The following EEPD1 variants were observed in gnomAD, a reference collection of about 807,000 sequenced individuals.
EEPD1 encodes endonuclease/exonuclease/phosphatase family domain-containing protein 1.
Under a neutral mutation model 46.3 loss-of-function variants are expected in EEPD1, and 17 were observed. That is an observed-to-expected ratio of 0.37 (90% confidence interval 0.25 to 0.55). The LOEUF (loss-of-function observed/expected upper bound fraction) is 0.55, where lower values mean the gene tolerates loss of function less well. EEPD1 is among the 20% of genes least tolerant of loss of function. EEPD1 has a pLI of 0.83. For synonymous variants in EEPD1, 313 were observed against 315.6 expected (o/e 0.99, Z 0.09); for missense variants, 673 against 745.6 (o/e 0.90, Z 1.13).
intron 2 of EEPD1, among the ~76,000 whole-genome samples, chr7:36,169,572 C>G (rs1310587613): frequency 1.3e-5 from 2 of 152,150 alleles, no homozygotes; most frequent in Admixed American, 1.3e-4. Context: ...GGGTCATTTT[C>G]AAACTTGTTT....
intron 3 of EEPD1, among the ~76,000 whole-genome samples, chr7:36,272,476 C>G (rs1375884147): frequency 1.3e-5 from 2 of 150,288 alleles, no homozygotes; most frequent in African/African-American, 4.9e-5. Context: ...CATAATAGCC[C>G]TTGCAAGGTT....
intron 3 of EEPD1, among the ~76,000 whole-genome samples, chr7:36,274,693 A>G (rs886617343): frequency 6.6e-6 from 1 of 152,082 alleles, no homozygotes; most frequent in Admixed American, 6.6e-5. Context: ...ATTTTTCCTA[A>G]TGCTGTCCCT....
chr7:36,168,990 T>C (rs1415376032), intron 2 of EEPD1, among the ~76,000 whole-genome samples: 2 of 152,194 alleles, frequency 1.3e-5, no homozygotes, highest in Non-Finnish European at 2.9e-5. Context: ...GTGCCTGACT[T>C]TTTTACTTAG....
chr7:36,193,394 C>T lies in EEPD1; in HGVS notation c.878+38192C>T, dbSNP rs1202235318. Among the ~76,000 whole-genome samples, 1 of 152,146 alleles carries T rather than the reference C, an allele frequency of 6.6e-6. No individual in the cohort carries two copies. ...GCCAGAGAGCAGAGGGAATGCCACA[C>T]AGGAGGACAAAGGAGAGATGCAGCT... On this transcript the variant is annotated intron_variant, in intron 2 of 7. Transcript: ENST00000242108. The surrounding 1 kb of genome is among the most constrained non-coding windows in gnomAD (Gnocchi z 4.9).
chr7:36,253,965 TA>T (rs1034092491), intron 3 of EEPD1, among the ~76,000 whole-genome samples: 24 of 152,196 alleles, frequency 1.6e-4, no homozygotes, highest in African/African-American at 5.8e-4. Flanking sequence ...TCTGCCATTT[TA>T]TCTCTTGTTT....
chr7:36,157,625 C>T (rs1784845631), intron 2 of EEPD1, among the ~76,000 whole-genome samples: 1 of 152,268 alleles, frequency 6.6e-6, no homozygotes, highest in Admixed American at 6.5e-5. Context: ...CGCACCGTCA[C>T]ATTCTCACTC....
chr7:36,172,834 A>T (rs1404230119), intron 2 of EEPD1, among the ~76,000 whole-genome samples: 1 of 146,382 alleles, frequency 6.8e-6, no homozygotes, highest in Non-Finnish European at 1.5e-5. Context: ...GGAAACCTCA[A>T]CTTGAAGCCA....
At chr7:36,294,767 A>G (rs1316937110) in intron 6 of EEPD1, among the ~76,000 whole-genome samples, 1 of 152,232 alleles carries the variant, frequency 6.6e-6, no homozygotes. Context: ...TCAATAAACA[A>G]AACACTAATA....
At chr7:36,165,622 G>A (rs375652509) in intron 2 of EEPD1, among the ~76,000 whole-genome samples, 234 of 56,888 alleles carry the variant, frequency 4.1e-3, no homozygotes, top group African/African-American at 0.011. Flanking sequence ...TTTATTTTTA[G>A]TAGAGACAGG....
intron 2 of EEPD1, among the ~76,000 whole-genome samples, chr7:36,192,454 A>G (rs538125766): frequency 1.4e-4 from 21 of 152,216 alleles, no homozygotes; most frequent in East Asian, 1.4e-3. Flanking sequence ...TTTGTGTCCA[A>G]TTTCCAGGAC....
intron 3 of EEPD1, among the ~76,000 whole-genome samples, chr7:36,258,172 G>C (rs1178779299): frequency 6.6e-6 from 1 of 152,174 alleles, no homozygotes. Flanking sequence ...GAACAGCAAA[G>C]ATTGCTGCCT....
intron 3 of EEPD1, among the ~76,000 whole-genome samples, chr7:36,270,867 G>A (rs952913656): frequency 3.3e-5 from 5 of 152,130 alleles, no homozygotes; most frequent in African/African-American, 4.8e-5. Context: ...CTAGATCCTT[G>A]AGGAATCGCC....
intron 5 of EEPD1, 24 bp from the exon 6 acceptor site, chr7:36,287,615 G>A: frequency 6.2e-7 from 1 of 1,609,874 alleles, no homozygotes; most frequent in Non-Finnish European, 8.5e-7. Context: ...GCCTCTCCCT[G>A]TTGCTTTGTT....
rs919501813 is a variant in EEPD1, at chr7:36,158,934, T to A, written c.878+3732T>A. On this transcript the variant is annotated intron_variant, in intron 2 of 7. Transcript: ENST00000242108. ...GATTTAACATCCCACTTGCTCATTT[T>A]CCCTGTGGCCTACATAAGAAGAGAA... Among the ~76,000 whole-genome samples, 9 of 152,340 alleles carry A rather than the reference T, an allele frequency of 5.9e-5. No individual in the cohort carries two copies. In the South Asian group the frequency reaches 1.9e-3, roughly 32 times the overall value.
chr7:36,220,508 G>T (rs1426194641), intron 2 of EEPD1, among the ~76,000 whole-genome samples: 2 of 152,138 alleles, frequency 1.3e-5, no homozygotes, highest in Non-Finnish European at 2.9e-5. Context: ...TTGCCAATTG[G>T]ATGTGACACT....
At chr7:36,183,331 A>G (rs2115660280) in intron 2 of EEPD1, among the ~76,000 whole-genome samples, 1 of 152,360 alleles carries the variant, frequency 6.6e-6, no homozygotes, top group African/African-American at 2.4e-5. Flanking sequence ...CAGTCTGAGC[A>G]TGATCTCTTT....
intron 3 of EEPD1, among the ~76,000 whole-genome samples, chr7:36,277,820 G>T (rs976179652): frequency 6.6e-6 from 1 of 150,940 alleles, no homozygotes; most frequent in South Asian, 2.1e-4. Flanking sequence ...AAGGCAGAGC[G>T]AGGGGTCGGT....
intron 3 of EEPD1, among the ~76,000 whole-genome samples, chr7:36,241,862 T>C (rs1035391767): frequency 2.6e-5 from 4 of 152,216 alleles, no homozygotes; most frequent in Admixed American, 1.3e-4. Flanking sequence ...AGTAGGACCC[T>C]GTCCCAGAAA....
At chr7:36,251,223 C>T (rs953854580) in intron 3 of EEPD1, among the ~76,000 whole-genome samples, 1 of 152,212 alleles carries the variant, frequency 6.6e-6, no homozygotes, top group Admixed American at 6.5e-5. Flanking sequence ...TCTTCCTAAA[C>T]CTCCAATTGT....
Sources: gnomAD v4.1 joint callset for allele counts (sites outside exome capture counted in the v4.1 genomes callset) on GRCh38, gnomAD v4.1.1 for gene constraint, Gnocchi (gnomAD v3.1) non-coding constraint, MANE v1.5 for transcripts, NCBI Gene and HGNC (gene_info 2026-07-23, HGNC 2026-07-21) for gene names.